The following TBC1D1 variants were observed in gnomAD, a reference collection of about 807,000 sequenced individuals.
TBC1D1 encodes the protein TBC1 domain family member 1.
A neutral mutation model predicts 125.6 loss-of-function variants in TBC1D1; 89 were observed. That is an observed-to-expected ratio of 0.71 (90% CI 0.60 to 0.85). The LOEUF is 0.85. Ranked by LOEUF, TBC1D1 falls within the 40% of genes least tolerant of loss-of-function variation. The pLI is 0.00. For synonymous variants in TBC1D1, 565 were observed against 564.1 expected (o/e 1.00, Z -0.02); for missense variants, 1,377 against 1,469.2 (o/e 0.94, Z 1.03).
chr4:38,135,052 C>G (rs924498036), intron 19 of TBC1D1, among the ~76,000 whole-genome samples: 1 of 152,122 alleles, frequency 6.6e-6, no homozygotes, highest in Non-Finnish European at 1.5e-5. Context: ...TTTCCATGAT[C>G]CCCTACGAAA....
At chr4:37,991,265 T>G (rs1242429074) in intron 2 of TBC1D1, among the ~76,000 whole-genome samples, 1 of 51,196 alleles carries the variant, frequency 2.0e-5, no homozygotes, top group Non-Finnish European at 3.7e-5. Context: ...GATATTGTCC[T>G]TCTCAAAAAC....
chr4:37,903,247 C>A (rs1169112169), intron 2 of TBC1D1, among the ~76,000 whole-genome samples: 1 of 152,130 alleles, frequency 6.6e-6, no homozygotes, highest in East Asian at 1.9e-4. Context: ...TCTGCTCTTT[C>A]CTCGTTCATT....
At chr4:37,904,509 CTCTT>C (rs1716882340) in intron 2 of TBC1D1, among the ~76,000 whole-genome samples, 1 of 152,224 alleles carries the variant, frequency 6.6e-6, no homozygotes, top group Non-Finnish European at 1.5e-5. Context: ...ACACATTTGA[CTCTT>C]TCCCAAAATC....
intron 17 of TBC1D1, 84 bp downstream of exon 19, chr4:38,118,276 A>G (rs1425938333): frequency 1.0e-5 from 15 of 1,471,088 alleles, no homozygotes; most frequent in Middle Eastern, 1.8e-4. Flanking sequence ...GGTGATTCTT[A>G]TTTTTATACC....
intron 12 of TBC1D1, among the ~76,000 whole-genome samples, chr4:38,077,823 TC>T (rs1176057858): frequency 1.3e-5 from 2 of 152,096 alleles, no homozygotes; most frequent in Admixed American, 6.6e-5. Flanking sequence ...TCCATGATAA[TC>T]CAGGGACTCG....
At chr4:38,015,031 A>T (rs1370810673) in intron 3 of TBC1D1, 58 bp downstream of exon 3, 1 of 1,417,576 alleles carries the variant, frequency 7.1e-7, no homozygotes, top group African/African-American at 1.4e-5. Flanking sequence ...TCAAGAGAAA[A>T]TCTGCTTTAT....
intron 8 of TBC1D1, among the ~76,000 whole-genome samples, chr4:38,039,366 C>T (rs1483600397): frequency 2.6e-5 from 4 of 151,938 alleles, no homozygotes; most frequent in Non-Finnish European, 5.9e-5. Flanking sequence ...ATCTGCCCAC[C>T]TCGGCCTTCC....
chr4:37,955,018 G>A (rs945273971), intron 2 of TBC1D1, among the ~76,000 whole-genome samples: 18 of 151,840 alleles, frequency 1.2e-4, no homozygotes, highest in African/African-American at 4.1e-4. Context: ...ACATAATCAG[G>A]TGATACAAAG....
intron 2 of TBC1D1, among the ~76,000 whole-genome samples, chr4:37,998,676 G>A (rs59348868): frequency 0.091 from 13,861 of 152,202 alleles, 1,257 homozygotes; most frequent in East Asian, 0.46. Flanking sequence ...GCACAGCACA[G>A]TTTCTGACTT....
chr4:37,940,910 G>T (rs2380952), intron 2 of TBC1D1, among the ~76,000 whole-genome samples: 55,662 of 151,958 alleles, frequency 0.37, 10,883 homozygotes, highest in East Asian at 0.76. Flanking sequence ...TTGATGTGCG[G>T]CTGGGTTCGG....
At chr4:38,092,576 C>CA (rs1457991116) in intron 13 of TBC1D1, among the ~76,000 whole-genome samples, 6 of 149,558 alleles carry the variant, frequency 4.0e-5, no homozygotes, top group East Asian at 2.0e-4. Context: ...ACTATAATTA[C>CA]AAAAAAAAAT....
intron 6 of TBC1D1, among the ~76,000 whole-genome samples, chr4:38,023,619 C>T (rs1481285876): frequency 2.6e-5 from 4 of 152,300 alleles, no homozygotes; most frequent in Non-Finnish European, 4.4e-5. Flanking sequence ...TCCAGATTCA[C>T]GTGTATTGTA....
At chr4:37,930,008 C>A (rs1254371324) in intron 2 of TBC1D1, among the ~76,000 whole-genome samples, 1 of 152,096 alleles carries the variant, frequency 6.6e-6, no homozygotes, top group Non-Finnish European at 1.5e-5. Flanking sequence ...CCCCATGACC[C>A]GGCAGTTCCA....
intron 15 of TBC1D1, among the ~76,000 whole-genome samples, chr4:38,105,757 A>C (rs374381480): frequency 6.6e-6 from 1 of 152,158 alleles, no homozygotes; most frequent in Non-Finnish European, 1.5e-5. Context: ...TGTTGCTGCA[A>C]AGGACATGAT....
chr4:38,072,537 T>C (rs975319923), intron 12 of TBC1D1, among the ~76,000 whole-genome samples: 1 of 152,232 alleles, frequency 6.6e-6, no homozygotes, highest in Non-Finnish European at 1.5e-5. Context: ...AAAAGGGTCA[T>C]GTAAATTTCA....
intron 2 of TBC1D1, among the ~76,000 whole-genome samples, chr4:37,919,227 G>A (rs1720392582): frequency 6.6e-6 from 1 of 152,062 alleles, no homozygotes; most frequent in African/African-American, 2.4e-5. Flanking sequence ...AAGTGCAGTG[G>A]TGTGATCTCG....
intron 2 of TBC1D1, among the ~76,000 whole-genome samples, chr4:37,934,301 A>C (rs1355021418): frequency 6.6e-6 from 1 of 152,198 alleles, no homozygotes; most frequent in East Asian, 1.9e-4. Context: ...TGGACCGCCA[A>C]GGTGCAGGGC....
chr4:37,950,952 C>A (rs1184385254), intron 2 of TBC1D1, among the ~76,000 whole-genome samples: 1 of 151,976 alleles, frequency 6.6e-6, no homozygotes, highest in African/African-American at 2.4e-5. Context: ...TTAGTAGAGA[C>A]AGGGTTTCAC....
At chr4:38,107,211 AC>A (rs1761459644) in intron 15 of TBC1D1, among the ~76,000 whole-genome samples, 1 of 152,094 alleles carries the variant, frequency 6.6e-6, no homozygotes, top group Admixed American at 6.5e-5. Flanking sequence ...ATTGGCCTAG[AC>A]CCGGCAGTGG....
Sources: allele counts gnomAD v4.1 joint callset (sites outside exome capture counted in the v4.1 genomes callset), GRCh38; gene constraint gnomAD v4.1.1; transcripts MANE v1.5; gene names NCBI Gene and HGNC (gene_info 2026-07-23, HGNC 2026-07-21).